EHD3: variants seen among roughly 807,000 people sequenced by gnomAD.
The protein encoded by EHD3 is EH domain containing 3.
A neutral mutation model predicts 43.0 loss-of-function variants in EHD3; 17 were observed. The ratio of observed to expected loss-of-function variants is 0.40; its 90% confidence interval spans 0.27 to 0.59. The LOEUF is 0.59. Among genes scored for constraint, EHD3 ranks in the 20% least tolerant of loss-of-function variants. The pLI is 0.49. For missense variants in EHD3, 594 were observed against 705.6 expected (o/e 0.84, Z 1.79); for synonymous variants, 313 against 289.5 (o/e 1.08, Z -0.82).
At chr2:31,261,819 G>A (rs768805150) in intron 5 of EHD3, 106 bp downstream of exon 5, 168 of 1,370,598 alleles carry the variant, frequency 1.2e-4, no homozygotes, top group Non-Finnish European at 1.5e-4. Context: ...GGAGAACCCC[G>A]CCCAGAATCT....
At chr2:31,252,484 T>C (rs912354291) in intron 3 of EHD3, among the ~76,000 whole-genome samples, 1 of 152,204 alleles carries the variant, frequency 6.6e-6, no homozygotes, top group Non-Finnish European at 1.5e-5. Flanking sequence ...GTTGCTGTTG[T>C]TGTTGTTTTG....
intron 2 of EHD3, 86 bp from the exon 3 acceptor site, chr2:31,249,285 A>G (rs1683587817): frequency 4.9e-6 from 6 of 1,224,396 alleles, no homozygotes; most frequent in Non-Finnish European, 7.1e-6. Context: ...AGCTCACCTG[A>G]GAGAGACAAG....
intron 1 of EHD3, 88 bp downstream of exon 1, chr2:31,234,936 G>C (rs1184397146): frequency 1.6e-6 from 2 of 1,271,198 alleles, no homozygotes; most frequent in Non-Finnish European, 2.2e-6. Context: ...CCAGACAGGG[G>C]ACCAATGGGA....
At chr2:31,243,580 C>T (rs1283197022) in intron 1 of EHD3, among the ~76,000 whole-genome samples, 6 of 151,266 alleles carry the variant, frequency 4.0e-5, no homozygotes, top group Non-Finnish European at 8.8e-5. Flanking sequence ...CCTCAGCCTC[C>T]CTAGTAGCTG....
chr2:31,262,080 G>A (rs2148723782), intron 5 of EHD3, among the ~76,000 whole-genome samples: 1 of 152,354 alleles, frequency 6.6e-6, no homozygotes, highest in Non-Finnish European at 1.5e-5. Flanking sequence ...GGCTCTTAAA[G>A]TGCTCGAGTT....
chr2:31,252,420 G>T (rs933815738), intron 3 of EHD3, among the ~76,000 whole-genome samples: 6 of 152,188 alleles, frequency 3.9e-5, no homozygotes, highest in Non-Finnish European at 5.9e-5. Flanking sequence ...GCCTTCCTCA[G>T]TTCCTATCCT....
rs1683590238 is a variant in EHD3, at chr2:31,249,404, G to A, written c.438G>A (p.Leu146=). The change falls in exon 3 of 6, where the codon CTG becomes CTA. Residue 146 remains leucine, a synonymous_variant. Transcript: ENST00000322054. ...GTGCCCAGCTACCTAACCCTGTGCT[G>A]GAGAGCATCAGCGTCATCGACACAC... ...FVCAQLPNPV[L]ESISVIDTPG... is the part of the protein sequence containing the mutation. The A allele has an allele frequency of 1.9e-6, 3 of 1,614,168 alleles. No homozygotes were observed. The highest frequency in any genetic ancestry group is 1.7e-6 in the Non-Finnish European group (2 of 1,180,016).
In EHD3 at chr2:31,269,058, T is replaced by G. The variant is rs1405032354; in HGVS notation, c.*2354T>G. On this transcript the variant is annotated 3_prime_UTR_variant, in exon 6 of 6. Coordinates refer to ENST00000322054, the MANE Select transcript of EHD3 (RefSeq NM_014600.3). ...TTGAGGGGACAGATGTGGGTCACTT[T>G]CCCTGGCAGTGCCCTCTAGCCTTGC... is the stretch of plus-strand genomic sequence containing the variant. 2 of 152,238 alleles carry G rather than the reference T, an allele frequency of 1.3e-5. No homozygotes were observed. Among genetic ancestry groups the G allele is most frequent in the East Asian group, 3.9e-4 (2 of 5,190 alleles). The allele number at this position is 152,238 out of a possible 1,614,324, so 9.4% of individuals were successfully genotyped here.
chr2:31,235,196 G>A (rs748754328), intron 1 of EHD3, among the ~76,000 whole-genome samples: 12 of 152,136 alleles, frequency 7.9e-5, no homozygotes, highest in Admixed American at 2.6e-4. Context: ...CCTTATGTTG[G>A]TGGGGATGTC....
chr2:31,238,862 G>A (rs1037174292), intron 1 of EHD3, among the ~76,000 whole-genome samples: 8 of 152,154 alleles, frequency 5.3e-5, no homozygotes, highest in African/African-American at 1.9e-4. Context: ...TGAGAGAGAG[G>A]CTCTAGTGGA....
chr2:31,238,087 T>A (rs1340215162), intron 1 of EHD3, among the ~76,000 whole-genome samples: 11 of 152,252 alleles, frequency 7.2e-5, no homozygotes, highest in Non-Finnish European at 1.6e-4. Flanking sequence ...AAATATTTTT[T>A]AACTTTAAAA....
chr2:31,256,490 C>T (rs114294526), intron 3 of EHD3, among the ~76,000 whole-genome samples: 274 of 152,342 alleles, frequency 1.8e-3, no homozygotes, highest in African/African-American at 6.3e-3. Context: ...TGCCACACAC[C>T]GTGCTGGGTG....
chr2:31,244,485 T>C (rs2295473), intron 2 of EHD3, 35 bp downstream of exon 2: 2 of 1,598,116 alleles, frequency 1.3e-6, no homozygotes, highest in East Asian at 4.5e-5. Context: ...TTTCAGGTGC[T>C]CTCTTTTCTT....
rs751574772 is a variant in EHD3, at chr2:31,254,153, G to A, written c.502+4685G>A. Among the ~76,000 whole-genome samples, 4 of 152,142 alleles carry A rather than the reference G, an allele frequency of 2.6e-5. No individual in the cohort carries two copies. In the South Asian group the frequency reaches 6.2e-4, roughly 24 times the overall value. ...CCCGGATCACACATCTAGGGAACTC[G>A]GGTCTTCCTATTCCTGGTCCACGGC... On this transcript the variant is annotated intron_variant, in intron 3 of 5. Transcript: ENST00000322054.
intron 2 of EHD3, among the ~76,000 whole-genome samples, chr2:31,245,551 A>ATT (rs1683501480): frequency 1.6e-4 from 5 of 32,246 alleles, no homozygotes; most frequent in Admixed American, 5.1e-4. Flanking sequence ...ATATATATAT[A>ATT]TATTTTTTTT....
At chr2:31,254,312 C>G (rs981388469) in intron 3 of EHD3, among the ~76,000 whole-genome samples, 2 of 152,198 alleles carry the variant, frequency 1.3e-5, no homozygotes, top group African/African-American at 2.4e-5. Flanking sequence ...TCCTTGCAGC[C>G]TCACATTCCT....
intron 3 of EHD3, among the ~76,000 whole-genome samples, chr2:31,252,503 T>C (rs1448787349): frequency 6.6e-6 from 1 of 152,186 alleles, no homozygotes; most frequent in African/African-American, 2.4e-5. Context: ...TGAGACGGAG[T>C]CTCGCTCTGT....
intron 5 of EHD3, among the ~76,000 whole-genome samples, chr2:31,262,845 T>G (rs919377598): frequency 2.0e-5 from 3 of 152,026 alleles, no homozygotes; most frequent in African/African-American, 7.3e-5. Flanking sequence ...AACCCAGGAG[T>G]CAGAGGTTGC....
chr2:31,252,251 G>GT (rs1683649259), intron 3 of EHD3, among the ~76,000 whole-genome samples: 2 of 152,162 alleles, frequency 1.3e-5, no homozygotes, highest in Middle Eastern at 3.2e-3. Context: ...CATAGCCCTG[G>GT]GTCTGGATCA....
Sources: allele counts gnomAD v4.1 joint callset (sites outside exome capture counted in the v4.1 genomes callset), GRCh38; gene constraint gnomAD v4.1.1; transcripts MANE v1.5; gene names NCBI Gene and HGNC (gene_info 2026-07-23, HGNC 2026-07-21).